Variants in YAP1 observed in about 807,000 individuals in gnomAD.
The protein encoded by YAP1 is Yes1 associated transcriptional regulator.
Under a neutral mutation model 56.9 loss-of-function variants are expected in YAP1, and 5 were observed. The observed-to-expected ratio is 0.09, with a 90% CI of 0.05 to 0.18. The LOEUF is 0.18. YAP1 is among the 10% of genes least tolerant of loss of function. The probability of loss-of-function intolerance (pLI) is 1.00; values close to 1 mark genes in which losing one functional copy is unlikely to be tolerated. For missense variants in YAP1, 539 were observed against 651.8 expected (o/e 0.83, Z 1.88); for synonymous variants, 265 against 248.1 (o/e 1.07, Z -0.64).
intron 4 of YAP1, among the ~76,000 whole-genome samples, chr11:102,192,387 A>G (rs1948339673): frequency 6.6e-6 from 1 of 152,226 alleles, no homozygotes; most frequent in Non-Finnish European, 1.5e-5. Context: ...AAAAATAGTT[A>G]TGTCATTGCT....
intron 2 of YAP1, among the ~76,000 whole-genome samples, chr11:102,119,187 G>T (rs1311664980): frequency 6.6e-6 from 1 of 152,016 alleles, no homozygotes; most frequent in Non-Finnish European, 1.5e-5. Context: ...TCCCAGGGAA[G>T]AATGGCACAC....
chr11:102,231,785 C>A lies in YAP1; in HGVS notation c.*1845C>A, dbSNP rs1404863553. The A allele has an allele frequency of 1.3e-5, 2 of 152,524 alleles. No individual in the cohort carries two copies. Among genetic ancestry groups the A allele is most frequent in the African/African-American group, 4.8e-5 (2 of 41,392 alleles). 9.4% of individuals were successfully genotyped at this position (152,524 alleles called of 1,614,324 possible). On this transcript the variant is annotated 3_prime_UTR_variant, in exon 9 of 9. Coordinates refer to ENST00000282441, the MANE Select transcript of YAP1 (RefSeq NM_001130145.3). ...GTTCATAACAGGCATAAAATCTCTT[C>A]TCCTGGCAAAAGCTGCTATGAAAAG...
intron 2 of YAP1, among the ~76,000 whole-genome samples, chr11:102,129,666 G>T (rs1410523551): frequency 5.3e-5 from 8 of 151,230 alleles, no homozygotes; most frequent in Non-Finnish European, 1.2e-4. Context: ...TGGCTGAGAT[G>T]TGTTAGGACC....
chr11:102,187,279 A>G (rs1948019586), intron 4 of YAP1, among the ~76,000 whole-genome samples: 1 of 152,216 alleles, frequency 6.6e-6, no homozygotes, highest in African/African-American at 2.4e-5. Context: ...AGTTAAGTCA[A>G]TGGCAGGATC....
Position 102,125,977 on chromosome 11 carries a change from T to C in YAP1, c.572+11583T>C, listed in dbSNP as rs189638450. The stretch of plus-strand genomic sequence containing the variant: ...AGTCTGCCAGTCTGGAGAGCACCAG[T>C]GGTGATGGGAGTTAGGACTGAATAC... On this transcript the variant is annotated intron_variant, in intron 2 of 8. Transcript: ENST00000282441. 7.2e-5 allele frequency among the ~76,000 whole-genome samples: 11 copies of C among 152,038 alleles called. No individual in the cohort carries two copies. The East Asian group carries it at 1.6e-3, about 21-fold the overall frequency.
chr11:102,135,393 TCAC>T (rs1047460671), intron 2 of YAP1, among the ~76,000 whole-genome samples: 1 of 152,128 alleles, frequency 6.6e-6, no homozygotes, highest in Non-Finnish European at 1.5e-5. Flanking sequence ...TTGATGGAGG[TCAC>T]TCAGTGCCAT....
intron 4 of YAP1, among the ~76,000 whole-genome samples, chr11:102,188,441 A>G (rs1948100498): frequency 6.6e-6 from 1 of 152,202 alleles, no homozygotes; most frequent in East Asian, 1.9e-4. Flanking sequence ...TATAGTTAGA[A>G]TATAGCCATT....
At position 102,168,924 on chromosome 11, in the gene YAP1, T is replaced by C. The variant is rs549015699; in HGVS notation, c.688+6353T>C. ...ACAGAGAGGGTAAAGATGTGAGAAG[T>C]TGCAGAACCAACAGGGTTGAGGTGT... On this transcript the variant is annotated intron_variant, in intron 3 of 8. Coordinates refer to ENST00000282441, the MANE Select transcript of YAP1 (RefSeq NM_001130145.3). 5.3e-5 allele frequency among the ~76,000 whole-genome samples: 8 copies of C among 152,362 alleles called. No homozygotes were observed. In the South Asian group the frequency reaches 8.3e-4, roughly 16 times the overall value.
intron 3 of YAP1, among the ~76,000 whole-genome samples, chr11:102,172,036 A>G (rs1243740431): frequency 1.3e-5 from 2 of 152,040 alleles, no homozygotes; most frequent in Admixed American, 6.6e-5. Flanking sequence ...CTAAAAATAC[A>G]AAAAGTTACC....
At chr11:102,228,658 AAAAG>A (rs1206243438) in intron 8 of YAP1, among the ~76,000 whole-genome samples, 1 of 148,734 alleles carries the variant, frequency 6.7e-6, no homozygotes, top group Admixed American at 6.7e-5. Flanking sequence ...AAAAAAAAAA[AAAAG>A]AATAGTTGCA....
chr11:102,112,501 G>A, intron 1 of YAP1: 2 of 972,470 alleles, frequency 2.1e-6, no homozygotes, highest in Non-Finnish European at 2.4e-6. Context: ...AAAGTTAATA[G>A]GTTTTCCAAA....
Position 102,163,546 on chromosome 11 carries a change from C to T in YAP1, c.688+975C>T, listed in dbSNP as rs115402207. Among the ~76,000 whole-genome samples the T allele has an allele frequency of 5.5e-3, 841 of 152,272 alleles. 10 individuals are homozygous for T. Among genetic ancestry groups the T allele is most frequent in the African/African-American group, 0.019 (786 of 41,560 alleles). On this transcript the variant is annotated intron_variant, in intron 3 of 8. Transcript: ENST00000282441. The stretch of plus-strand genomic sequence containing the variant: ...CTCCCCTGGCCCCCACGCTTTACCC[C>T]GCTGCTCAGTGCCCAGGTTCAGGAC...
At position 102,193,879 on chromosome 11, in the gene YAP1, C is replaced by T. The variant is rs569217518; in HGVS notation, c.802+7748C>T. ...TTTGAGACGGAGTCTCGCTCTGTCG[C>T]CCAGGCTGGAGTGCAGTGGCGCAAT... On this transcript the variant is annotated intron_variant, in intron 4 of 8. Transcript: ENST00000282441. Among the ~76,000 whole-genome samples the T allele has an allele frequency of 7.3e-5, 11 of 150,856 alleles. No individual in the cohort carries two copies. In the South Asian group the frequency reaches 2.3e-3, roughly 31 times the overall value.
At chr11:102,128,021 G>T (rs1035763709) in intron 2 of YAP1, among the ~76,000 whole-genome samples, 1 of 152,194 alleles carries the variant, frequency 6.6e-6, no homozygotes, top group African/African-American at 2.4e-5. Flanking sequence ...TTGTATCTAG[G>T]AAGTAACTAG....
intron 3 of YAP1, among the ~76,000 whole-genome samples, chr11:102,173,799 T>A (rs1418758273): frequency 3.9e-5 from 6 of 152,208 alleles, no homozygotes; most frequent in Admixed American, 2.6e-4. Flanking sequence ...GAAACTAAAG[T>A]CATATGAATT....
intron 2 of YAP1, among the ~76,000 whole-genome samples, chr11:102,118,607 C>T (rs1207506755): frequency 7.9e-5 from 12 of 151,506 alleles, no homozygotes; most frequent in Middle Eastern, 3.4e-3. Flanking sequence ...AAAAATTAGC[C>T]GGGTGTGTTG....
intron 2 of YAP1, among the ~76,000 whole-genome samples, chr11:102,146,390 T>C (rs1945323711): frequency 2.0e-5 from 3 of 152,312 alleles, no homozygotes; most frequent in African/African-American, 7.2e-5. Flanking sequence ...ACACCACCAA[T>C]TGGATGTACT....
At chr11:102,132,362 C>G (rs1016959670) in intron 2 of YAP1, among the ~76,000 whole-genome samples, 1 of 152,190 alleles carries the variant, frequency 6.6e-6, no homozygotes, top group Admixed American at 6.5e-5. Context: ...AGAGAGTCCT[C>G]GCTTGATGCT....
rs779905640 is a variant in YAP1, at chr11:102,111,008, A to C, written c.160A>C (p.Ile54Leu). 4.4e-6 allele frequency: 7 copies of C among 1,593,324 alleles called. No homozygotes were observed. Among genetic ancestry groups the C allele is most frequent in the South Asian group, 1.1e-5 (1 of 89,136 alleles). ...APQAPPAGHQ[I>L]VHVRGDSETD... is the part of the protein sequence containing the mutation. The stretch of plus-strand genomic sequence containing the variant: ...GCAGGCACCCCCCGCCGGGCATCAG[A>C]TCGTGCACGTCCGCGGGGACTCGGA... Residue 54 changes from isoleucine to leucine, a missense_variant, in exon 1 of 9, where the codon ATC becomes CTC. By Grantham distance (5) the Ile-to-Leu change is conservative (BLOSUM62 2). Around this residue, in one of 4 missense-constraint regions of YAP1, gnomAD observed 106 missense variants for 86.6 expected, o/e 1.22. Coordinates refer to ENST00000282441, the MANE Select transcript of YAP1 (RefSeq NM_001130145.3).
Sources: gnomAD v4.1 joint callset for allele counts (sites outside exome capture counted in the v4.1 genomes callset) on GRCh38, gnomAD v4.1.1 for gene constraint, gnomAD v4.1.1 regional missense constraint, MANE v1.5 for transcripts, NCBI Gene and HGNC (gene_info 2026-07-23, HGNC 2026-07-21) for gene names.